Variants in PLCXD2 observed in about 807,000 individuals in gnomAD.
PLCXD2 encodes the protein phosphatidylinositol specific phospholipase C X domain containing 2, also known as PI-PLC X domain-containing protein 2.
Under a neutral mutation model 28.6 loss-of-function variants are expected in PLCXD2, and 21 were observed. That is an observed-to-expected ratio of 0.73 (90% CI 0.52 to 1.06). The LOEUF (loss-of-function observed/expected upper bound fraction) is 1.06. PLCXD2 is among the 50% of genes least tolerant of loss of function. The pLI is 0.00. For synonymous variants in PLCXD2, 140 were observed against 150.1 expected, an observed-to-expected ratio of 0.93 and a Z score of 0.49; for missense variants, 369 against 376.7, an observed-to-expected ratio of 0.98 and a Z score of 0.17.
chr3:111,726,381 A>G (rs996209759), intron 3 of PLCXD2: 5 of 152,320 alleles, frequency 3.3e-5, no homozygotes, highest in African/African-American at 1.2e-4. Flanking sequence ...GTATATGCCA[A>G]CTGTACTACT....
chr3:111,675,208 G>C lies in PLCXD2; in HGVS notation c.-38G>C, dbSNP rs1317572294. 1.3e-6 allele frequency: 2 copies of C among 1,599,828 alleles called. No homozygotes were observed. Among genetic ancestry groups the C allele is most frequent in the African/African-American group, 2.7e-5 (2 of 74,716 alleles). The stretch of plus-strand genomic sequence containing the variant: ...AGAAGTGATGATCACTGAGTGAGTG[G>C]CACTGGGCTGAGACTGGCCAGTTTG... On this transcript the variant is annotated 5_prime_UTR_variant, in exon 1 of 5. Transcript: ENST00000477665.
chr3:111,693,965 C>T (rs1312695156), intron 1 of PLCXD2, among the ~76,000 whole-genome samples: 1 of 152,220 alleles, frequency 6.6e-6, no homozygotes, highest in Admixed American at 6.5e-5. Flanking sequence ...GACTGAGACA[C>T]GTGTGCTTCA....
intron 3 of PLCXD2, among the ~76,000 whole-genome samples, chr3:111,715,810 G>A (rs1383356877): frequency 1.3e-5 from 2 of 152,138 alleles, no homozygotes; most frequent in African/African-American, 4.8e-5. Context: ...CACTGACTTG[G>A]ATACTGCATA....
chr3:111,722,142 G>A (rs1033865855), intron 3 of PLCXD2: 1 of 151,442 alleles, frequency 6.6e-6, no homozygotes, highest in Non-Finnish European at 1.5e-5. Context: ...TTTTTTTATC[G>A]ATAAGAGGTG....
In PLCXD2 at chr3:111,707,920, G is replaced by T. The variant is rs1404392415; in HGVS notation, c.164-6G>T. 3 of 1,610,500 alleles carry T rather than the reference G, an allele frequency of 1.9e-6. No homozygotes were observed. The highest frequency in any genetic ancestry group is 3.3e-5 in the Admixed American group (2 of 59,726). ...CTGCTTTCCTCACCTGTATTCCTTT[G>T]TACAGGCTCACATGATTCATTCAGC... On this transcript the variant is annotated splice_polypyrimidine_tract_variant and splice_region_variant and intron_variant, in intron 1 of 4. Transcript: ENST00000477665.
Position 111,675,409 on chromosome 3 carries a change from GTATTCGTC to G in PLCXD2, c.163+7_163+14del, listed in dbSNP as rs1310362472. ...CCCCTTTCCAATCTGGCAATCCCAGGTATTCGTCTATTCCTACTTGTTCCCACTGTGTT... is the reference window on the plus strand; with the variant it reads ...CCCCTTTCCAATCTGGCAATCCCAGGTATTCCTACTTGTTCCCACTGTGTT... On this transcript the variant is annotated splice_donor_variant and splice_donor_5th_base_variant and intron_variant, in intron 1 of 4. Coordinates refer to ENST00000477665, the MANE Select transcript of PLCXD2 (RefSeq NM_001185106.1). LOFTEE classifies it high-confidence loss of function. The G allele has an allele frequency of 1.2e-6, 2 of 1,613,946 alleles. No individual in the cohort carries two copies. Among genetic ancestry groups the G allele is most frequent in the Admixed American group, 3.3e-5 (2 of 59,992 alleles).
chr3:111,697,717 C>G (rs1490895080), intron 1 of PLCXD2, among the ~76,000 whole-genome samples: 1 of 152,046 alleles, frequency 6.6e-6, no homozygotes, highest in Admixed American at 6.5e-5. Context: ...ATCTTTTTGG[C>G]AACAGGTTGG....
At chr3:111,688,321 T>G (rs1376931763) in intron 1 of PLCXD2, among the ~76,000 whole-genome samples, 1 of 152,190 alleles carries the variant, frequency 6.6e-6, no homozygotes, top group Non-Finnish European at 1.5e-5. Flanking sequence ...TAGTTACTGT[T>G]TATTGCTCTG....
chr3:111,695,386 G>A (rs568317583), intron 1 of PLCXD2, among the ~76,000 whole-genome samples: 3 of 152,284 alleles, frequency 2.0e-5, no homozygotes, highest in Admixed American at 6.5e-5. Context: ...CTATGATAAA[G>A]TTTAATTTAT....
chr3:111,682,559 G>A (rs1940733331), intron 1 of PLCXD2, among the ~76,000 whole-genome samples: 1 of 152,204 alleles, frequency 6.6e-6, no homozygotes, highest in South Asian at 2.1e-4. Context: ...GCGCTATAAT[G>A]CAAATGTCTT....
At chr3:111,723,724 G>A (rs1229126553) in intron 3 of PLCXD2, 1 of 152,184 alleles carries the variant, frequency 6.6e-6, no homozygotes, top group Non-Finnish European at 1.5e-5. Flanking sequence ...GACCAGACAG[G>A]AGAACTCAGG....
At chr3:111,684,706 G>A (rs922957973) in intron 1 of PLCXD2, among the ~76,000 whole-genome samples, 9 of 152,034 alleles carry the variant, frequency 5.9e-5, no homozygotes, top group African/African-American at 2.2e-4. Context: ...AGTGGGAAGG[G>A]TTTTAAGCAT....
rs1257727107 is a variant in PLCXD2, at chr3:111,707,955, G to T, written c.193G>T (p.Asp65Tyr). 5 of 1,613,962 alleles carry T rather than the reference G, an allele frequency of 3.1e-6. No homozygotes were observed. The highest frequency in any genetic ancestry group is 4.2e-6 in the Non-Finnish European group (5 of 1,179,936). The change falls in exon 2 of 5, where the codon GAT becomes TAT. Residue 65 changes from aspartate (D) to tyrosine (Y), a missense_variant. By Grantham distance (160) the Asp-to-Tyr change is radical (BLOSUM62 -3). Transcript: ENST00000477665. The stretch of plus-strand genomic sequence containing the variant: ...ACATGATTCATTCAGCTACTGGGTG[G>T]ATGAAAAGTCCCCAGTGGGGCCTGA...
intron 1 of PLCXD2, among the ~76,000 whole-genome samples, chr3:111,701,535 A>G (rs1216490021): frequency 6.6e-6 from 1 of 152,190 alleles, no homozygotes; most frequent in Non-Finnish European, 1.5e-5. Flanking sequence ...CTAAACCCCC[A>G]GTGTTGAGTT....
At chr3:111,711,906 A>G (rs1941204200) in intron 2 of PLCXD2, among the ~76,000 whole-genome samples, 1 of 152,252 alleles carries the variant, frequency 6.6e-6, no homozygotes, top group African/African-American at 2.4e-5. Context: ...AAGAATGACC[A>G]GAATAAGAGG....
chr3:111,692,080 C>T (rs905922092), intron 1 of PLCXD2, among the ~76,000 whole-genome samples: 2 of 152,204 alleles, frequency 1.3e-5, no homozygotes, highest in African/African-American at 2.4e-5. Flanking sequence ...CTGGCTCTGT[C>T]GCCCATGCTG....
chr3:111,705,639 A>G (rs1256272891), intron 1 of PLCXD2, among the ~76,000 whole-genome samples: 2 of 150,708 alleles, frequency 1.3e-5, no homozygotes, highest in Non-Finnish European at 2.9e-5. Context: ...AGTTACATAC[A>G]TCTCTACAGC....
At chr3:111,703,531 A>G (rs1475047580) in intron 1 of PLCXD2, among the ~76,000 whole-genome samples, 1 of 152,218 alleles carries the variant, frequency 6.6e-6, no homozygotes, top group African/African-American at 2.4e-5. Flanking sequence ...TCTCTCCTCC[A>G]CGCTTGGATA....
At position 111,708,363 on chromosome 3, in the gene PLCXD2, ACT is replaced by A. The variant is rs748756039; in HGVS notation, c.604_605del (p.Leu202ValfsTer51). The A allele has an allele frequency of 1.9e-6, 3 of 1,613,664 alleles. No homozygotes were observed. The African/African-American group carries it at 4.0e-5, about 22-fold the overall frequency. Reference sequence around the variant, plus strand: ...CAGTGTGGAAAGTTTGACGCTGCGAACTCTGTGGGAGAAGAACTGCCAGGTAG... The same window carrying A: ...CAGTGTGGAAAGTTTGACGCTGCGAACTGTGGGAGAAGAACTGCCAGGTAG... On this transcript the variant is annotated frameshift_variant, in exon 2 of 5. Coordinates refer to ENST00000477665, the MANE Select transcript of PLCXD2 (RefSeq NM_001185106.1). LOFTEE classifies it high-confidence loss of function.
Sources: gnomAD v4.1 joint callset for allele counts (sites outside exome capture counted in the v4.1 genomes callset) on GRCh38, gnomAD v4.1.1 for gene constraint, MANE v1.5 for transcripts, NCBI Gene and HGNC (gene_info 2026-07-23, HGNC 2026-07-21) for gene names.